HS6ST1: variants seen among roughly 807,000 people sequenced by gnomAD.
The protein encoded by HS6ST1 is heparan-sulfate 6-O-sulfotransferase 1.
A neutral mutation model predicts 25.2 loss-of-function variants in HS6ST1; 3 were observed. The ratio of observed to expected loss-of-function variants is 0.12; its 90% confidence interval spans 0.05 to 0.31. The LOEUF is 0.31. Ranked by LOEUF, HS6ST1 falls within the 10% of genes least tolerant of loss-of-function variation. The pLI is 1.00. For synonymous variants in HS6ST1, 204 were observed against 275.1 expected (o/e 0.74, Z 2.56); for missense variants, 310 against 609.6 (o/e 0.51, Z 5.18).
chr2:128,309,952 C>T (rs551756026), intron 1 of HS6ST1, among the ~76,000 whole-genome samples: 24 of 152,348 alleles, frequency 1.6e-4, no homozygotes, highest in African/African-American at 5.5e-4. Context: ...TCACCACGGT[C>T]ACAGTTAATA....
intron 1 of HS6ST1, among the ~76,000 whole-genome samples, chr2:128,286,909 C>A (rs1330547710): frequency 1.3e-5 from 2 of 152,190 alleles, no homozygotes; most frequent in African/African-American, 4.8e-5. Context: ...GGAACAGCAT[C>A]CCCCAAAGCA....
At chr2:128,281,036 A>T (rs950239006) in intron 1 of HS6ST1, among the ~76,000 whole-genome samples, 2 of 152,122 alleles carry the variant, frequency 1.3e-5, no homozygotes, top group Admixed American at 1.3e-4. Flanking sequence ...GGCCAAGGCT[A>T]CTCACCCCCT....
chr2:128,273,258 C>G (rs1693639671), intron 1 of HS6ST1, among the ~76,000 whole-genome samples: 1 of 152,248 alleles, frequency 6.6e-6, no homozygotes, highest in South Asian at 2.1e-4. Flanking sequence ...GTCCCCACGG[C>G]TCCCTGTGCA....
intron 1 of HS6ST1, among the ~76,000 whole-genome samples, chr2:128,310,927 C>A (rs1264364521): frequency 1.3e-5 from 2 of 152,168 alleles, no homozygotes; most frequent in African/African-American, 2.4e-5. Context: ...CCACTGCCCC[C>A]CCTTGCTGTG....
chr2:128,313,913 G>C lies in HS6ST1; in HGVS notation c.527+4124C>G, dbSNP rs148060943. On this transcript the variant is annotated intron_variant, in intron 1 of 1. Transcript: ENST00000259241. ...AAACGATCCTGTCACCCAACCATTC[G>C]TAAGTTTGCCTTATCATGTGTTTGC... Among the ~76,000 whole-genome samples the C allele has an allele frequency of 1.4e-3, 212 of 149,170 alleles. 2 individuals carry two copies. The highest frequency in any genetic ancestry group is 5.1e-3 in the East Asian group (26 of 5,118).
intron 1 of HS6ST1, among the ~76,000 whole-genome samples, chr2:128,313,180 T>G (rs1163278340): frequency 6.6e-6 from 1 of 152,154 alleles, no homozygotes; most frequent in Non-Finnish European, 1.5e-5. Context: ...AGGTAACATT[T>G]GTACCAAGAG....
chr2:128,271,354 C>T (rs552801873), intron 1 of HS6ST1, among the ~76,000 whole-genome samples: 217 of 152,302 alleles, frequency 1.4e-3, no homozygotes, highest in South Asian at 2.9e-3. Flanking sequence ...AGCGCTGGGC[C>T]TAATGACTGA....
At chr2:128,296,207 T>C (rs1013630290) in intron 1 of HS6ST1, among the ~76,000 whole-genome samples, 18 of 152,302 alleles carry the variant, frequency 1.2e-4, no homozygotes, top group Admixed American at 3.9e-4. Context: ...GTGTTTGTAA[T>C]AGAGGCTGAG....
At chr2:128,286,743 A>G (rs1344589753) in intron 1 of HS6ST1, among the ~76,000 whole-genome samples, 2 of 152,252 alleles carry the variant, frequency 1.3e-5, no homozygotes, top group East Asian at 3.8e-4. Context: ...CTTCCCTAAC[A>G]ACGTCTGCAA....
In HS6ST1 at chr2:128,268,471, G is replaced by A; in HGVS notation, c.927C>T (p.Asn309=). The part of the protein sequence containing the change: ...KTQYLFERTF[N]LKFIRPFMQY... ...GCATGAAGGGCCGGATGAACTTGAG[G>A]TTGAACGTCCGCTCGAACAGGTACT... The change falls in exon 2 of 2, where the codon AAC becomes AAT. Residue 309 remains asparagine, a synonymous_variant. Coordinates refer to ENST00000259241, the MANE Select transcript of HS6ST1 (RefSeq NM_004807.3). 2.5e-6 allele frequency: 4 copies of A among 1,613,386 alleles called. No individual in the cohort carries two copies. The highest frequency in any genetic ancestry group is 3.4e-6 in the Non-Finnish European group (4 of 1,179,798).
chr2:128,271,395 C>T (rs981674871), intron 1 of HS6ST1, among the ~76,000 whole-genome samples: 22 of 152,288 alleles, frequency 1.4e-4, no homozygotes, highest in African/African-American at 3.4e-4. Flanking sequence ...TGAGGCCCCT[C>T]GGTGGAAGGG....
intron 1 of HS6ST1, among the ~76,000 whole-genome samples, chr2:128,317,619 A>G (rs1694392889): frequency 6.6e-6 from 1 of 152,222 alleles, no homozygotes; most frequent in Non-Finnish European, 1.5e-5. Context: ...TTGGGACCAC[A>G]GCACCGAAGC....
intron 1 of HS6ST1, among the ~76,000 whole-genome samples, chr2:128,300,745 G>T (rs778162252): frequency 1.1e-4 from 16 of 152,214 alleles, no homozygotes; most frequent in Non-Finnish European, 1.6e-4. Context: ...CACACCCAGG[G>T]CCCCTGCCAT....
Position 128,268,453 on chromosome 2 carries a change from G to A in HS6ST1, c.945C>T (p.Pro315=), listed in dbSNP as rs751181750. The change falls in exon 2 of 2, where the codon CCC becomes CCT. Residue 315 remains proline, a synonymous_variant. Transcript: ENST00000259241. The part of the protein sequence containing the change: ...ERTFNLKFIR[P]FMQYNSTRAG... ...CCCGCGTGCTATTGTACTGCATGAA[G>A]GGCCGGATGAACTTGAGGTTGAACG... 4 of 1,613,552 alleles carry A rather than the reference G, an allele frequency of 2.5e-6. No individual in the cohort carries two copies. Among genetic ancestry groups the A allele is most frequent in the South Asian group, 1.1e-5 (1 of 91,074 alleles).
chr2:128,286,789 T>C (rs974895185), intron 1 of HS6ST1, among the ~76,000 whole-genome samples: 1 of 152,120 alleles, frequency 6.6e-6, no homozygotes, highest in Non-Finnish European at 1.5e-5. Flanking sequence ...ACAAACAAGG[T>C]CAGCAAAGGT....
At chr2:128,271,056 A>G (rs1693602327) in intron 1 of HS6ST1, among the ~76,000 whole-genome samples, 1 of 152,128 alleles carries the variant, frequency 6.6e-6, no homozygotes, top group Admixed American at 6.5e-5. Context: ...CTCCATCATG[A>G]GCTCCTCTGC....
At chr2:128,281,258 TG>T (rs1312109439) in intron 1 of HS6ST1, among the ~76,000 whole-genome samples, 1 of 152,008 alleles carries the variant, frequency 6.6e-6, no homozygotes, top group African/African-American at 2.4e-5. Context: ...AAGTGTGGCA[TG>T]GGGGGTGGGG....
At position 128,268,867 on chromosome 2, in the gene HS6ST1, C is replaced by A. The variant is rs2104909067; in HGVS notation, c.531G>T (p.Lys177Asn). Reference protein sequence around the residue: ...RDSAALRTPRKFYYITLLRDP... With the variant: ...RDSAALRTPRNFYYITLLRDP... ...CTCGTAGCAGGGTGATGTAGTAGAA[C>A]TTCCTGCAAGGAGACGGGGAGAGGA... Residue 177 changes from lysine (K) to asparagine (N), a missense_variant, in exon 2 of 2, where the codon AAG (lysine) becomes AAT (asparagine). Transcript: ENST00000259241. The A allele has an allele frequency of 1.2e-6, 2 of 1,607,652 alleles. No individual in the cohort carries two copies. Among genetic ancestry groups the A allele is most frequent in the Non-Finnish European group, 1.7e-6 (2 of 1,179,758 alleles).
At chr2:128,315,377 C>T (rs918015363) in intron 1 of HS6ST1, among the ~76,000 whole-genome samples, 9 of 152,162 alleles carry the variant, frequency 5.9e-5, no homozygotes, top group Non-Finnish European at 8.8e-5. Flanking sequence ...CTCTCTTACG[C>T]GCACCACAGG....
Sources: gnomAD v4.1 joint callset for allele counts (sites outside exome capture counted in the v4.1 genomes callset) on GRCh38, gnomAD v4.1.1 for gene constraint, MANE v1.5 for transcripts, NCBI Gene and HGNC (gene_info 2026-07-23, HGNC 2026-07-21) for gene names.